The following LRCH1 variants were observed in gnomAD, a reference collection of about 807,000 sequenced individuals.
The protein encoded by LRCH1 is leucine rich repeats and calponin homology domain containing 1.
A neutral mutation model predicts 94.9 loss-of-function variants in LRCH1; 23 were observed. The observed-to-expected ratio is 0.24, with a 90% CI of 0.17 to 0.34. The LOEUF is 0.34. Among genes scored for constraint, LRCH1 ranks in the 10% least tolerant of loss-of-function variants. The probability of loss-of-function intolerance (pLI) is 1.00; values close to 1 mark genes in which losing one functional copy is unlikely to be tolerated. For missense variants in LRCH1, 790 were observed against 945.9 expected, an observed-to-expected ratio of 0.84 and a Z score of 2.16; for synonymous variants, 364 against 354.9, an observed-to-expected ratio of 1.03 and a Z score of -0.29.
At position 46,742,525 on chromosome 13, in the gene LRCH1, G is replaced by C. The variant is rs1457762799; in HGVS notation, c.*677G>C. 1 of 984,990 alleles carries C rather than the reference G, an allele frequency of 1.0e-6. No individual in the cohort carries two copies. Among genetic ancestry groups the C allele is most frequent in the Non-Finnish European group, 1.2e-6 (1 of 829,520 alleles). The allele number at this position is 984,990 out of a possible 1,614,324, so 61.0% of individuals were successfully genotyped here. A position where few individuals can be genotyped will look rare whatever the true frequency, so the allele number is the denominator to read the frequency against. ...GCAAGCCCCTCTGTCCTATGCAGAA[G>C]GGCGCTCAAGGGAAGGAAGTGTCGT... On this transcript the variant is annotated 3_prime_UTR_variant, in exon 20 of 20. Coordinates refer to ENST00000389797, the MANE Select transcript of LRCH1 (RefSeq NM_001164211.2).
At chr13:46,684,758 A>C (rs1185373285) in intron 4 of LRCH1, among the ~76,000 whole-genome samples, 1 of 152,188 alleles carries the variant, frequency 6.6e-6, no homozygotes, top group Admixed American at 6.5e-5. Context: ...TTATCCTGCC[A>C]GAGGGGAGAC....
chr13:46,589,242 T>G (rs902147074), intron 1 of LRCH1, among the ~76,000 whole-genome samples: 8 of 151,994 alleles, frequency 5.3e-5, no homozygotes, highest in Non-Finnish European at 1.0e-4. Flanking sequence ...CTTACCATGT[T>G]GCCCAGGCTG....
At chr13:46,748,491 CTGCCTTAACAGTGAAA>C (rs1041705455), downstream of LRCH1, among the ~76,000 whole-genome samples, 17 of 152,296 alleles carry the variant, frequency 1.1e-4, no homozygotes, top group Admixed American at 6.5e-4. Flanking sequence ...CTTATAGAAC[CTGCCTTAACAGTGAAA>C]TGCCAGATTC....
At chr13:46,621,288 G>A (rs2050877425) in intron 1 of LRCH1, among the ~76,000 whole-genome samples, 1 of 152,194 alleles carries the variant, frequency 6.6e-6, no homozygotes, top group African/African-American at 2.4e-5. Flanking sequence ...CCACTTAGCT[G>A]TGAGTGGCCT....
Position 46,715,550 on chromosome 13 carries a change from TC to T in LRCH1, c.1655-6del. The stretch of plus-strand genomic sequence containing the variant: ...ACTGTACGCGGACTGGCTCTCTGGC[TC>T]CCCTGCAGACCCAGCCCTCATTCTT... On this transcript the variant is annotated splice_polypyrimidine_tract_variant and intron_variant, in intron 15 of 19. Transcript: ENST00000389797. The T allele has an allele frequency of 6.6e-7, 1 of 1,513,614 alleles. No homozygotes were observed. The highest frequency in any genetic ancestry group is 8.9e-7 in the Non-Finnish European group (1 of 1,125,322). 93.8% of individuals were successfully genotyped at this position (1,513,614 alleles called of 1,614,324 possible).
chr13:46,665,574 TCTGGTAAAAGCCCA>T (rs1171123089), intron 2 of LRCH1, among the ~76,000 whole-genome samples: 2 of 152,108 alleles, frequency 1.3e-5, no homozygotes, highest in African/African-American at 4.8e-5. Context: ...ATAATATGGA[TCTGGTAAAAGCCCA>T]CTGCCTTCCC....
At chr13:46,584,610 G>A (rs1390892305) in intron 1 of LRCH1, among the ~76,000 whole-genome samples, 2 of 152,234 alleles carry the variant, frequency 1.3e-5, no homozygotes, top group African/African-American at 2.4e-5. Context: ...CTCAGCTCCT[G>A]TTGGAGCCTG....
intron 3 of LRCH1, among the ~76,000 whole-genome samples, chr13:46,675,730 C>G (rs1654302257): frequency 6.6e-6 from 1 of 152,138 alleles, no homozygotes; most frequent in African/African-American, 2.4e-5. Context: ...CATTCATTGT[C>G]TCTGGAGGCG....
intron 1 of LRCH1, among the ~76,000 whole-genome samples, chr13:46,586,309 A>C (rs143937201): frequency 6.6e-6 from 1 of 152,356 alleles, no homozygotes; most frequent in African/African-American, 2.4e-5. Context: ...AAGGTCTCAC[A>C]GAGGGCCACA....
chr13:46,573,866 A>ATATATATATATATATATATATAGATTTT, intron 1 of LRCH1, among the ~76,000 whole-genome samples: 1 of 63,420 alleles, frequency 1.6e-5, no homozygotes, highest in Non-Finnish European at 3.2e-5. Flanking sequence ...ATATATATAT[A>ATATATATATATATATATATATAGATTTT]TTTTTTTTTT....
chr13:46,742,273 G>A lies in LRCH1; in HGVS notation c.*425G>A, dbSNP rs1873702545. On this transcript the variant is annotated 3_prime_UTR_variant, in exon 20 of 20. Transcript: ENST00000389797. ...GTATTGAACTAGAATTCTAATTCGG[G>A]ACTGGGCAATTGAGCTGTATAGGGG... is the stretch of plus-strand genomic sequence containing the variant. 3 of 1,049,552 alleles carry A rather than the reference G, an allele frequency of 2.9e-6. No homozygotes were observed. Among genetic ancestry groups the A allele is most frequent in the East Asian group, 1.6e-4 (2 of 12,494 alleles). 65.0% of individuals were successfully genotyped at this position (1,049,552 alleles called of 1,614,324 possible).
At chr13:46,608,142 A>ATCCAAATTGGAT (rs2050708505) in intron 1 of LRCH1, among the ~76,000 whole-genome samples, 1 of 152,166 alleles carries the variant, frequency 6.6e-6, no homozygotes, top group Non-Finnish European at 1.5e-5. Flanking sequence ...TTCCAAAGTT[A>ATCCAAATTGGAT]CCAGAACTTG....
At position 46,615,745 on chromosome 13, in the gene LRCH1, A is replaced by G. The variant is rs115885825; in HGVS notation, c.308-34456A>G. Among the ~76,000 whole-genome samples the G allele has an allele frequency of 7.6e-3, 1,154 of 152,270 alleles. 14 individuals are homozygous for G. Among genetic ancestry groups the G allele is most frequent in the African/African-American group, 0.026 (1,079 of 41,554 alleles). On this transcript the variant is annotated intron_variant, in intron 1 of 19. Coordinates refer to ENST00000389797, the MANE Select transcript of LRCH1 (RefSeq NM_001164211.2). ...CCAAGATTGGATGTTTTTCAGTTGTATTATCTCCCCATATTTCTGACATGT... is the reference window on the plus strand; with the variant it reads ...CCAAGATTGGATGTTTTTCAGTTGTGTTATCTCCCCATATTTCTGACATGT...
chr13:46,663,789 T>C (rs1411879597), intron 2 of LRCH1, among the ~76,000 whole-genome samples: 2 of 152,242 alleles, frequency 1.3e-5, no homozygotes, highest in African/African-American at 2.4e-5. Context: ...AGACTCAGTA[T>C]TGGATAAGCC....
At chr13:46,615,924 C>G (rs1193230579) in intron 1 of LRCH1, among the ~76,000 whole-genome samples, 1 of 151,636 alleles carries the variant, frequency 6.6e-6, no homozygotes, top group African/African-American at 2.4e-5. Context: ...TGTCCCTTTA[C>G]TGCCTTTCCT....
At chr13:46,677,344 G>A (rs1002520886) in intron 3 of LRCH1, among the ~76,000 whole-genome samples, 19 of 151,452 alleles carry the variant, frequency 1.3e-4, no homozygotes, top group African/African-American at 4.1e-4. Context: ...CGGGAGAATC[G>A]CTTGAACCTG....
At position 46,615,592 on chromosome 13, in the gene LRCH1, T is replaced by G. The variant is rs2050798297; in HGVS notation, c.308-34609T>G. Among the ~76,000 whole-genome samples, 3 of 152,198 alleles carry G rather than the reference T, an allele frequency of 2.0e-5. No homozygotes were observed. In the South Asian group the frequency reaches 6.2e-4, roughly 32 times the overall value. The stretch of plus-strand genomic sequence containing the variant: ...AATTTTTGCTTTTTTAAAACCCAGC[T>G]TCGAGCTCCCTTCCATTCCTTCATC... On this transcript the variant is annotated intron_variant, in intron 1 of 19. Coordinates refer to ENST00000389797, the MANE Select transcript of LRCH1 (RefSeq NM_001164211.2).
At chr13:46,740,183 G>A (rs928960045) in intron 19 of LRCH1, among the ~76,000 whole-genome samples, 2 of 152,104 alleles carry the variant, frequency 1.3e-5, no homozygotes, top group Non-Finnish European at 2.9e-5. Flanking sequence ...ATTAATCCAT[G>A]AGCAGCATCA....
intron 3 of LRCH1, among the ~76,000 whole-genome samples, chr13:46,677,924 C>T (rs1221822807): frequency 6.6e-6 from 1 of 152,100 alleles, no homozygotes; most frequent in Non-Finnish European, 1.5e-5. Context: ...TATTATAGTA[C>T]TAACTATAGG....
Sources: gnomAD v4.1 joint callset for allele counts (sites outside exome capture counted in the v4.1 genomes callset) on GRCh38, gnomAD v4.1.1 for gene constraint, MANE v1.5 for transcripts, NCBI Gene and HGNC (gene_info 2026-07-23, HGNC 2026-07-21) for gene names.